The following TNRC6B variants were observed in gnomAD, a reference collection of about 807,000 sequenced individuals.
TNRC6B encodes trinucleotide repeat containing adaptor 6B.
TNRC6B carries 52 observed loss-of-function variants against 203.6 expected under a neutral mutation model. The observed-to-expected ratio is 0.26, with a 90% CI of 0.20 to 0.32. The LOEUF (loss-of-function observed/expected upper bound fraction) is 0.32, where lower values mean the gene tolerates loss of function less well. TNRC6B is among the 10% of genes least tolerant of loss of function. TNRC6B has a pLI of 1.00. For synonymous variants in TNRC6B, 838 were observed against 845.7 expected, an observed-to-expected ratio of 0.99 and a Z score of 0.16; for missense variants, 1,923 against 2,286.2, an observed-to-expected ratio of 0.84 and a Z score of 3.24.
intron 19 of TNRC6B, among the ~76,000 whole-genome samples, chr22:40,313,810 G>C (rs1270168128): frequency 6.6e-6 from 1 of 152,182 alleles, no homozygotes. Context: ...CACAGGCCAG[G>C]CATCATGCTA....
At chr22:40,140,496 A>G (rs1237615789) in intron 3 of TNRC6B, among the ~76,000 whole-genome samples, 1 of 152,244 alleles carries the variant, frequency 6.6e-6, no homozygotes, top group Non-Finnish European at 1.5e-5. Context: ...AAGATGGAAG[A>G]ACAAAATAGA....
rs541237157 is a variant in TNRC6B, at chr22:40,328,577, A to G, written c.*5336A>G. 1.3e-5 allele frequency: 2 copies of G among 152,144 alleles called. No homozygotes were observed. Among genetic ancestry groups the G allele is most frequent in the South Asian group, 4.1e-4 (2 of 4,832 alleles). The allele number at this position is 152,144 out of a possible 1,614,324, so 9.4% of individuals were successfully genotyped here. On this transcript the variant is annotated 3_prime_UTR_variant, in exon 23 of 23. Coordinates refer to ENST00000454349, the MANE Select transcript of TNRC6B (RefSeq NM_001162501.2). ...GGTGATTTTTGTAAGGTTAACAGCCAGATTCCATTTTGACCTCAGATGCTG... is the reference window on the plus strand; with the variant it reads ...GGTGATTTTTGTAAGGTTAACAGCCGGATTCCATTTTGACCTCAGATGCTG...
chr22:40,195,434 G>A (rs961324858), intron 1 of TNRC6B, among the ~76,000 whole-genome samples: 1 of 152,124 alleles, frequency 6.6e-6, no homozygotes, highest in African/African-American at 2.4e-5. Context: ...CACTATTAGG[G>A]ACTAGCTTTT....
chr22:40,045,307 G>A (rs1466249681), intron 1 of TNRC6B, among the ~76,000 whole-genome samples: 2 of 147,406 alleles, frequency 1.4e-5, no homozygotes. Context: ...CGTCCGGCGC[G>A]CGGGCCGGGG....
intron 1 of TNRC6B, among the ~76,000 whole-genome samples, chr22:40,057,698 G>C (rs1248535704): frequency 1.3e-5 from 2 of 152,158 alleles, no homozygotes; most frequent in African/African-American, 4.8e-5. Flanking sequence ...AGACCCCCTG[G>C]TCAGCATATC....
In TNRC6B at chr22:40,193,582, A is replaced by G. The variant is rs2069300306; in HGVS notation, c.5+15442A>G. On this transcript the variant is annotated intron_variant, in intron 1 of 22. Transcript: ENST00000454349. ...GCCTGGCACTCCGTAGGCACTTCAT[A>G]AAGTTAGTTGACTTGTACCTGGAAG... 5.9e-5 allele frequency among the ~76,000 whole-genome samples: 9 copies of G among 152,120 alleles called. 1 individual carries two copies.
At chr22:40,297,950 G>C (rs532722673) in intron 12 of TNRC6B, among the ~76,000 whole-genome samples, 1 of 151,542 alleles carries the variant, frequency 6.6e-6, no homozygotes, top group South Asian at 2.1e-4. Flanking sequence ...GTGAAACCCC[G>C]TCTCTACTAA....
chr22:40,217,723 C>G (rs906545270), intron 1 of TNRC6B, among the ~76,000 whole-genome samples: 3 of 151,966 alleles, frequency 2.0e-5, no homozygotes, highest in Admixed American at 1.3e-4. Flanking sequence ...ACCTGTAATC[C>G]CAGCACTTTG....
intron 1 of TNRC6B, among the ~76,000 whole-genome samples, chr22:40,076,334 G>T (rs1569252062): frequency 6.6e-6 from 1 of 152,170 alleles, no homozygotes; most frequent in Non-Finnish European, 1.5e-5. Context: ...GATCACTTGA[G>T]CCTGGGGAGG....
chr22:40,301,825 T>C (rs2071027636), intron 15 of TNRC6B, among the ~76,000 whole-genome samples: 1 of 152,184 alleles, frequency 6.6e-6, no homozygotes, highest in Non-Finnish European at 1.5e-5. Context: ...TCTGAAACTT[T>C]TTGATCACCA....
intron 16 of TNRC6B, among the ~76,000 whole-genome samples, chr22:40,309,000 T>C (rs191318136): frequency 6.6e-6 from 1 of 152,370 alleles, no homozygotes; most frequent in Non-Finnish European, 1.5e-5. Flanking sequence ...GTTGGTTGTT[T>C]GAACCATAAT....
intron 1 of TNRC6B, among the ~76,000 whole-genome samples, chr22:40,222,118 G>A (rs919222284): frequency 7.2e-5 from 11 of 152,024 alleles, no homozygotes; most frequent in African/African-American, 2.7e-4. Context: ...TTGTCTTCAC[G>A]CCGTCTCGTA....
intron 1 of TNRC6B, among the ~76,000 whole-genome samples, chr22:40,198,757 CAAT>C (rs959481950): frequency 1.5e-4 from 23 of 152,024 alleles, no homozygotes; most frequent in Admixed American, 6.6e-5. Context: ...ATAAAAATAG[CAAT>C]AAAATCTTTG....
chr22:40,130,784 A>C (rs1176810921), intron 3 of TNRC6B, among the ~76,000 whole-genome samples: 8 of 150,070 alleles, frequency 5.3e-5, no homozygotes, highest in African/African-American at 2.0e-4. Context: ...CCGTCTAAAA[A>C]AAAAAAAAAA....
chr22:40,312,221 A>G (rs368114123), intron 17 of TNRC6B, among the ~76,000 whole-genome samples: 39 of 152,350 alleles, frequency 2.6e-4, no homozygotes, highest in African/African-American at 9.1e-4. Flanking sequence ...CCCTGCCTTC[A>G]GCCCTGAAGT....
chr22:40,119,381 C>T (rs1174601789), intron 2 of TNRC6B, among the ~76,000 whole-genome samples: 1 of 152,124 alleles, frequency 6.6e-6, no homozygotes, highest in Non-Finnish European at 1.5e-5. Flanking sequence ...GTCAGGAGTT[C>T]CAGACCAGCC....
intron 1 of TNRC6B, among the ~76,000 whole-genome samples, chr22:40,074,235 CAAAA>C (rs944802253): frequency 5.8e-5 from 4 of 68,386 alleles, no homozygotes; most frequent in South Asian, 5.6e-4. Flanking sequence ...CGCTCTGTCT[CAAAA>C]AAAAAAAAAA....
intron 15 of TNRC6B, among the ~76,000 whole-genome samples, chr22:40,305,871 T>C (rs1601509488): frequency 6.6e-6 from 1 of 152,292 alleles, no homozygotes; most frequent in South Asian, 2.1e-4. Flanking sequence ...TCTCATTCAT[T>C]TTCTTTCCTT....
intron 3 of TNRC6B, among the ~76,000 whole-genome samples, chr22:40,127,903 C>A (rs1282210356): frequency 6.6e-6 from 1 of 152,152 alleles, no homozygotes; most frequent in Non-Finnish European, 1.5e-5. Flanking sequence ...CTGGCTAGTA[C>A]ATTTTCTCCC....
Sources: gnomAD v4.1 joint callset for allele counts (sites outside exome capture counted in the v4.1 genomes callset) on GRCh38, gnomAD v4.1.1 for gene constraint, MANE v1.5 for transcripts, NCBI Gene and HGNC (gene_info 2026-07-23, HGNC 2026-07-21) for gene names.